The following CNIH2 variants were observed in gnomAD, a reference collection of about 807,000 sequenced individuals.
The protein encoded by CNIH2 is protein cornichon homolog 2.
CNIH2 carries 8 observed loss-of-function variants against 22.9 expected under a neutral mutation model. The observed-to-expected ratio is 0.35, with a 90% confidence interval of 0.20 to 0.63. CNIH2 has a LOEUF of 0.63. CNIH2 is among the 30% of genes least tolerant of loss of function. The pLI, the probability that CNIH2 is intolerant of heterozygous loss-of-function variation, is 0.72. For synonymous variants in CNIH2, 74 were observed against 78.2 expected (o/e 0.95, Z 0.28); for missense variants, 105 against 206.2 (o/e 0.51, Z 3.01).
intron 1 of CNIH2, among the ~76,000 whole-genome samples, chr11:66,279,959 G>C (rs1420152575): frequency 6.6e-6 from 1 of 152,198 alleles, no homozygotes; most frequent in African/African-American, 2.4e-5. Flanking sequence ...GGAGGGCTAG[G>C]GTTCTAAGGA....
chr11:66,281,554 C>T lies in CNIH2; in HGVS notation c.82-705C>T, dbSNP rs1379485295. On this transcript the variant is annotated intron_variant, in intron 1 of 5. Coordinates refer to ENST00000311445, the MANE Select transcript of CNIH2 (RefSeq NM_182553.3). ...CTGCTGTGTACTCTTCAATGCCTCC[C>T]CCCAAAATTTTTGTGTTAAAGTAAG... 4 of 440,344 alleles carry T rather than the reference C, an allele frequency of 9.1e-6. No homozygotes were observed. In the Admixed American group the frequency reaches 9.7e-5, roughly 11 times the overall value. The allele number at this position is 440,344 out of a possible 1,614,324, so 27.3% of individuals were successfully genotyped here.
intron 1 of CNIH2, among the ~76,000 whole-genome samples, chr11:66,279,252 C>T (rs539299022): frequency 1.8e-4 from 28 of 152,118 alleles, no homozygotes; most frequent in African/African-American, 6.3e-4. Flanking sequence ...CCTAGCCTCA[C>T]ACCTGGTTCT....
rs770631681 is a variant in CNIH2 at position 66,278,427 on chromosome 11, C to T, written c.-30C>T. On this transcript the variant is annotated 5_prime_UTR_variant, in exon 1 of 6. Coordinates refer to ENST00000311445, the MANE Select transcript of CNIH2 (RefSeq NM_182553.3). ...CTTGCGCCCGGGCCCCGCGCTGGCGCCCCCCGGGCCGCCGCCCGGCGCGGG... is the reference window on the plus strand; with the variant it reads ...CTTGCGCCCGGGCCCCGCGCTGGCGTCCCCCGGGCCGCCGCCCGGCGCGGG... 2 of 1,120,938 alleles carry T rather than the reference C, an allele frequency of 1.8e-6. No individual in the cohort carries two copies. The highest frequency in any genetic ancestry group is 5.6e-5 in the South Asian group (2 of 35,560). The allele number at this position is 1,120,938 out of a possible 1,614,324, so 69.4% of individuals were successfully genotyped here.
Position 66,278,180 on chromosome 11 carries a change from G to A in CNIH2, c.-277G>A, listed in dbSNP as rs1857189188. On this transcript the variant is annotated 5_prime_UTR_variant, in exon 1 of 6. Coordinates refer to ENST00000311445, the MANE Select transcript of CNIH2 (RefSeq NM_182553.3). Reference sequence around the variant, plus strand: ...GCGGCCCCGCCCCCGGCTCCGCCCCGCCGGCTTCGCGGGCTGGAGAGCGAG... The same window carrying A: ...GCGGCCCCGCCCCCGGCTCCGCCCCACCGGCTTCGCGGGCTGGAGAGCGAG... 1.3e-5 allele frequency: 2 copies of A among 148,280 alleles called. No individual in the cohort carries two copies. The highest frequency in any genetic ancestry group is 2.1e-4 in the South Asian group (1 of 4,816). The allele number at this position is 148,280 out of a possible 1,614,324, so 9.2% of individuals were successfully genotyped here. A position where few individuals can be genotyped will look rare whatever the true frequency, so the allele number is the denominator to read the frequency against.
intron 1 of CNIH2, among the ~76,000 whole-genome samples, chr11:66,280,362 C>T (rs1249851241): frequency 6.6e-6 from 1 of 152,220 alleles, no homozygotes; most frequent in Non-Finnish European, 1.5e-5. Flanking sequence ...GTCATTTGTC[C>T]CAAGTCTGGT....
At chr11:66,280,905 C>A (rs1241158801) in intron 1 of CNIH2, among the ~76,000 whole-genome samples, 2 of 152,116 alleles carry the variant, frequency 1.3e-5, no homozygotes, top group Non-Finnish European at 2.9e-5. Flanking sequence ...CAGGAGGGGA[C>A]CCCAGCAGGC....
intron 3 of CNIH2, 48 bp downstream of exon 3, chr11:66,282,828 CCACT>C: frequency 6.3e-7 from 1 of 1,582,820 alleles, no homozygotes; most frequent in Non-Finnish European, 8.6e-7. Context: ...AGCGCTGCCC[CCACT>C]GTCTGTGGCC....
At chr11:66,282,482 G>A in intron 2 of CNIH2, 155 bp downstream of exon 2, 2 of 1,007,958 alleles carry the variant, frequency 2.0e-6, no homozygotes, top group Non-Finnish European at 3.0e-6. Context: ...AACACCTGGC[G>A]CGGGCTCAGG....
intron 1 of CNIH2, among the ~76,000 whole-genome samples, chr11:66,278,966 G>A (rs1269650954): frequency 1.5e-5 from 2 of 135,482 alleles, no homozygotes; most frequent in Admixed American, 1.7e-4. Flanking sequence ...GATGGAGCTG[G>A]TTGCTATGGC....
At chr11:66,282,423 T>TTCTGGGGGGGGGGGGG in intron 2 of CNIH2, 96 bp downstream of exon 2, 1 of 147,072 alleles carries the variant, frequency 6.8e-6, no homozygotes, top group Non-Finnish European at 1.3e-5. Flanking sequence ...GGGGGTGGGG[T>TTCTGGGGGGGGGGGGG]GGGGGGCCTA....
chr11:66,282,640 G>T (rs962605202), intron 2 of CNIH2, 93 bp from the exon 3 acceptor site: 2 of 1,448,188 alleles, frequency 1.4e-6, no homozygotes, highest in East Asian at 4.6e-5. Context: ...AGATCGCTCT[G>T]GCGCCCCCTG....
At chr11:66,281,417 G>A (rs968405285) in intron 1 of CNIH2, 1 of 456,274 alleles carries the variant, frequency 2.2e-6, no homozygotes, top group Admixed American at 2.3e-5. Flanking sequence ...TACCGGCCAG[G>A]AGAAGCACCA....
At chr11:66,282,870 C>T in intron 3 of CNIH2, 90 bp downstream of exon 3, 2 of 1,472,426 alleles carry the variant, frequency 1.4e-6, no homozygotes, top group Non-Finnish European at 1.9e-6. Flanking sequence ...CTGCTTTGGG[C>T]CTGTTTGATC....
chr11:66,281,506 A>G, intron 1 of CNIH2: 2 of 456,018 alleles, frequency 4.4e-6, no homozygotes, highest in East Asian at 6.9e-5. Flanking sequence ...ATCCTAAGAC[A>G]TGGACCTGAC....
chr11:66,282,255 C>G lies in CNIH2; in HGVS notation c.82-4C>G, dbSNP rs1375579654. 1 of 1,613,680 alleles carries G rather than the reference C, an allele frequency of 6.2e-7. No individual in the cohort carries two copies. The highest frequency in any genetic ancestry group is 8.5e-7 in the Non-Finnish European group (1 of 1,179,870). ...ACCCTGACGGGCACACGCCCCTCCC[C>G]CAGATCATAGCCTTTGATGAGCTGC... On this transcript the variant is annotated splice_region_variant and splice_polypyrimidine_tract_variant and intron_variant, in intron 1 of 5. Transcript: ENST00000311445.
At chr11:66,278,612 C>T in intron 1 of CNIH2, 75 bp downstream of exon 1, 3 of 1,139,888 alleles carry the variant, frequency 2.6e-6, no homozygotes, top group African/African-American at 1.6e-5. Context: ...GGACCCAGGG[C>T]GGGTGGTCTC....
intron 2 of CNIH2, 101 bp downstream of exon 2, chr11:66,282,428 G>GATT: frequency 1.4e-6 from 1 of 713,854 alleles, no homozygotes; most frequent in Non-Finnish European, 2.4e-6. Context: ...TGGGGTGGGG[G>GATT]GCCTACGGCC....
intron 2 of CNIH2, 73 bp downstream of exon 2, chr11:66,282,400 GA>G: frequency 3.0e-6 from 2 of 658,478 alleles, no homozygotes; most frequent in South Asian, 1.5e-5. Context: ...CTGGGGGTGG[GA>G]GACGGGAAGA....
intron 1 of CNIH2, among the ~76,000 whole-genome samples, chr11:66,281,022 C>T (rs1857251655): frequency 6.6e-6 from 1 of 152,178 alleles, no homozygotes; most frequent in African/African-American, 2.4e-5. Context: ...AGGACACTGC[C>T]GTCTGCCAGA....
Sources: gnomAD v4.1 joint callset for allele counts (sites outside exome capture counted in the v4.1 genomes callset) on GRCh38, gnomAD v4.1.1 for gene constraint, MANE v1.5 for transcripts, NCBI Gene and HGNC (gene_info 2026-07-23, HGNC 2026-07-21) for gene names.